Variants in SYNJ2 observed in about 807,000 individuals in gnomAD.
SYNJ2 encodes synaptojanin 2.
A neutral mutation model predicts 141.3 loss-of-function variants in SYNJ2; 116 were observed. The ratio of observed to expected loss-of-function variants is 0.82; its 90% CI spans 0.71 to 0.96. The LOEUF is 0.96. SYNJ2 is among the 40% of genes least tolerant of loss of function. The pLI, the probability that SYNJ2 is intolerant of heterozygous loss-of-function variation, is 0.00. For synonymous variants in SYNJ2, 745 were observed against 777.7 expected, an observed-to-expected ratio of 0.96 and a Z score of 0.70; for missense variants, 1,873 against 1,934.8, an observed-to-expected ratio of 0.97 and a Z score of 0.60.
intron 2 of SYNJ2, among the ~76,000 whole-genome samples, chr6:158,019,666 GA>G (rs1778656808): frequency 1.3e-5 from 2 of 152,198 alleles, no homozygotes; most frequent in Admixed American, 1.3e-4. Context: ...TGGACCATGC[GA>G]GACCAGCCCT....
chr6:158,078,227 CTCCTGGTG>C lies in SYNJ2; in HGVS notation c.2514_2521del (p.Gly840AlafsTer12). On this transcript the variant is annotated frameshift_variant, in exon 18 of 27. Transcript: ENST00000355585. LOFTEE classifies it high-confidence loss of function. ...GACACCAAAGTCAGACACACCTGGTCTCCTGGTGCCCTGCAGTATTATGGTCGTGCGGA... is the reference window on the plus strand; with the variant it reads ...GACACCAAAGTCAGACACACCTGGTCCCCTGCAGTATTATGGTCGTGCGGA... The C allele has an allele frequency of 6.2e-7, 1 of 1,614,080 alleles. No individual in the cohort carries two copies. Among genetic ancestry groups the C allele is most frequent in the Non-Finnish European group, 8.5e-7 (1 of 1,179,960 alleles).
chr6:158,024,882 C>T (rs1778957469), intron 2 of SYNJ2, among the ~76,000 whole-genome samples: 1 of 151,050 alleles, frequency 6.6e-6, no homozygotes, highest in South Asian at 2.1e-4. Context: ...GGGATACTGA[C>T]AAGAGGCTCC....
chr6:158,057,755 T>A (rs1368897620), intron 6 of SYNJ2, among the ~76,000 whole-genome samples: 1 of 152,220 alleles, frequency 6.6e-6, no homozygotes, highest in Non-Finnish European at 1.5e-5. Flanking sequence ...GTGGCTTGGA[T>A]GTGTGGCCAC....
chr6:158,063,726 C>T, intron 8 of SYNJ2, 65 bp from the exon 9 acceptor site: 7 of 1,155,292 alleles, frequency 6.1e-6, no homozygotes, highest in Non-Finnish European at 8.9e-6. Flanking sequence ...ACATGGGCCT[C>T]TGTGCTATGG....
chr6:158,037,280 G>A (rs1024963660), intron 4 of SYNJ2, among the ~76,000 whole-genome samples: 4 of 135,058 alleles, frequency 3.0e-5, no homozygotes, highest in African/African-American at 1.1e-4. Context: ...GTGGCCTCTG[G>A]CAAGCATCTC....
At chr6:158,073,060 ACT>A (rs1407990013) in intron 15 of SYNJ2, among the ~76,000 whole-genome samples, 2 of 102,106 alleles carry the variant, frequency 2.0e-5, no homozygotes, top group Admixed American at 9.2e-5. Flanking sequence ...ACAGAGCGAG[ACT>A]CTGTCTAAAA....
intron 5 of SYNJ2, among the ~76,000 whole-genome samples, chr6:158,047,774 C>CAAAAAAA (rs58147972): frequency 0.037 from 1,184 of 32,384 alleles, 292 homozygotes; most frequent in African/African-American, 0.051. Flanking sequence ...GCGACTCTGT[C>CAAAAAAA]AAAAAAAAAA....
In SYNJ2 at chr6:158,088,775, G is replaced by A; in HGVS notation, c.3456+3G>A. The A allele has an allele frequency of 6.2e-7, 1 of 1,602,458 alleles. No homozygotes were observed. Among genetic ancestry groups the A allele is most frequent in the South Asian group, 1.1e-5 (1 of 90,866 alleles). On this transcript the variant is annotated splice_donor_region_variant and intron_variant, in intron 24 of 26. Coordinates refer to ENST00000355585, the MANE Select transcript of SYNJ2 (RefSeq NM_003898.4). ...TACCAGGAGCACCTCAGCAACCTGTGAGTTCTTCTGCATACATTTCAATCC... is the reference window on the plus strand; with the variant it reads ...TACCAGGAGCACCTCAGCAACCTGTAAGTTCTTCTGCATACATTTCAATCC...
chr6:158,098,191 TAAC>T lies in SYNJ2; in HGVS notation c.*1831_*1833del, dbSNP rs916242358. The T allele has an allele frequency of 1.3e-5, 2 of 152,228 alleles. No individual in the cohort carries two copies. Among genetic ancestry groups the T allele is most frequent in the African/African-American group, 4.8e-5 (2 of 41,464 alleles). 9.4% of individuals were successfully genotyped at this position (152,228 alleles called of 1,614,324 possible). ...AGATAAATTTGAAAACAGATAAATG[TAAC>T]AACCAGTCAAAGAAGCAGGGGAAAA... On this transcript the variant is annotated 3_prime_UTR_variant, in exon 27 of 27. Transcript: ENST00000355585.
chr6:157,993,090 A>G (rs1344228470), intron 1 of SYNJ2, among the ~76,000 whole-genome samples: 3 of 150,306 alleles, frequency 2.0e-5, no homozygotes, highest in East Asian at 2.0e-4. Flanking sequence ...TGTATACTAC[A>G]TAACGTATAT....
chr6:158,011,900 G>A (rs903436768), intron 1 of SYNJ2, among the ~76,000 whole-genome samples: 1 of 152,186 alleles, frequency 6.6e-6, no homozygotes, highest in Non-Finnish European at 1.5e-5. Flanking sequence ...TGCTAGGGTT[G>A]AAATAGGTAT....
intron 1 of SYNJ2, among the ~76,000 whole-genome samples, chr6:158,006,226 C>T (rs1200778102): frequency 2.0e-5 from 3 of 152,174 alleles, no homozygotes; most frequent in Admixed American, 6.5e-5. Flanking sequence ...TGCGCACACA[C>T]GTATGCACAC....
rs58284240 is a variant in SYNJ2, at chr6:158,000,064, C to CTT, written c.128-17102_128-17101dup. 2.6e-3 allele frequency among the ~76,000 whole-genome samples: 226 copies of CTT among 85,574 alleles called. 50 individuals are homozygous for CTT. Among genetic ancestry groups the CTT allele is most frequent in the African/African-American group, 3.8e-3 (88 of 23,452 alleles). The allele number at this position is 85,574 out of a possible 152,430, so 56.1% of individuals were successfully genotyped here. The stretch of plus-strand genomic sequence containing the variant: ...GCCAGGTTCTCACCAAGCCAAAAGG[C>CTT]TTTTTTTTTTTTTTTTTTTTTTTTT... On this transcript the variant is annotated intron_variant, in intron 1 of 26. Coordinates refer to ENST00000355585, the MANE Select transcript of SYNJ2 (RefSeq NM_003898.4).
chr6:158,077,649 A>C (rs1018805303), intron 17 of SYNJ2: 5 of 70,726 alleles, frequency 7.1e-5, no homozygotes, highest in African/African-American at 2.9e-4. Flanking sequence ...TAACTAGTAC[A>C]TAAAAAAAAA....
In SYNJ2 at chr6:158,086,850, T is replaced by C; in HGVS notation, c.3209-5T>C. ...ATTGTACTCATGCCCCGCCATGTCC[T>C]CCAGATGACGCGGACCTGGTGGAGC... On this transcript the variant is annotated splice_region_variant and splice_polypyrimidine_tract_variant and intron_variant, in intron 22 of 26. Coordinates refer to ENST00000355585, the MANE Select transcript of SYNJ2 (RefSeq NM_003898.4). 6.2e-7 allele frequency: 1 copy of C among 1,611,574 alleles called. No individual in the cohort carries two copies. Among genetic ancestry groups the C allele is most frequent in the Non-Finnish European group, 8.5e-7 (1 of 1,179,986 alleles).
At position 158,068,667 on chromosome 6, in the gene SYNJ2, A is replaced by G. The variant is rs762663437; in HGVS notation, c.1738A>G (p.Ile580Val). The G allele has an allele frequency of 1.9e-6, 3 of 1,614,198 alleles. No homozygotes were observed. Among genetic ancestry groups the G allele is most frequent in the East Asian group, 2.2e-5 (1 of 44,876 alleles). ...CCCAGATGACAGCAGCCCAGCTGAC[A>G]TATTTGCTGTGGGGTTTGAAGAGAT... is the stretch of plus-strand genomic sequence containing the variant. ...DSQDDSSPAD[I>V]FAVGFEEMVE... Residue 580 changes from isoleucine (I) to valine (V), a missense_variant, in exon 13 of 27, where the codon ATA (isoleucine) becomes GTA (valine). Ile to Val is a conservative substitution (Grantham distance 29). Transcript: ENST00000355585.
chr6:157,986,338 C>T (rs568260683), intron 1 of SYNJ2, among the ~76,000 whole-genome samples: 4 of 152,208 alleles, frequency 2.6e-5, no homozygotes, highest in South Asian at 4.2e-4. Flanking sequence ...GCTTCTCCCG[C>T]GGGTTTTGTT....
intron 1 of SYNJ2, among the ~76,000 whole-genome samples, chr6:158,014,528 G>T (rs1308002714): frequency 5.3e-5 from 8 of 152,264 alleles, no homozygotes; most frequent in African/African-American, 1.7e-4. Flanking sequence ...AATGGGAATT[G>T]GGTGTATTTT....
At chr6:157,985,163 G>A (rs1777155190) in intron 1 of SYNJ2, among the ~76,000 whole-genome samples, 1 of 152,218 alleles carries the variant, frequency 6.6e-6, no homozygotes, top group Non-Finnish European at 1.5e-5. Context: ...GGAGACAGGG[G>A]CTTGAACTGG....
Sources: gnomAD v4.1 joint callset for allele counts (sites outside exome capture counted in the v4.1 genomes callset) on GRCh38, gnomAD v4.1.1 for gene constraint, MANE v1.5 for transcripts, NCBI Gene and HGNC (gene_info 2026-07-23, HGNC 2026-07-21) for gene names.